Variants in FCER2 observed in about 807,000 individuals in gnomAD.
FCER2 encodes the protein Fc epsilon receptor II.
Under a neutral mutation model 49.7 loss-of-function variants are expected in FCER2, and 38 were observed. That is an observed-to-expected ratio of 0.76 (90% CI 0.59 to 1.00). FCER2 has a LOEUF of 1.00. FCER2 is among the 50% of genes least tolerant of loss of function. The pLI is 0.00. For missense variants in FCER2, 425 were observed against 419.5 expected, an observed-to-expected ratio of 1.01 and a Z score of -0.11; for synonymous variants, 163 against 164.6, an observed-to-expected ratio of 0.99 and a Z score of 0.07.
chr19:7,695,687 C>A (rs968042847), intron 8 of FCER2, among the ~76,000 whole-genome samples: 2 of 152,048 alleles, frequency 1.3e-5, no homozygotes, highest in Non-Finnish European at 2.9e-5. Context: ...GAGACTGAGG[C>A]GGAATGATCG....
chr19:7,697,688 A>C, intron 4 of FCER2, 99 bp from the exon 5 acceptor site: 2 of 901,170 alleles, frequency 2.2e-6, no homozygotes, highest in Non-Finnish European at 3.6e-6. Context: ...ACATAGTCAC[A>C]ACAGCTGCTG....
chr19:7,699,471 G>C (rs1400391849), intron 2 of FCER2: 5 of 1,425,990 alleles, frequency 3.5e-6, no homozygotes, highest in Admixed American at 6.1e-5. Flanking sequence ...CTCCCTAGCT[G>C]AAGCCGTTTT....
intron 8 of FCER2, among the ~76,000 whole-genome samples, chr19:7,690,857 C>T (rs1309456437): frequency 2.0e-5 from 3 of 152,056 alleles, no homozygotes; most frequent in Non-Finnish European, 4.4e-5. Context: ...CACCTCATGG[C>T]CAGAAGCACC....
chr19:7,697,511 T>C lies in FCER2; in HGVS notation c.253+16A>G, dbSNP rs1389281081. The C allele has an allele frequency of 1.1e-5, 17 of 1,609,386 alleles. No individual in the cohort carries two copies. Among genetic ancestry groups the C allele is most frequent in the Middle Eastern group, 1.6e-4 (1 of 6,062 alleles). On this transcript the variant is annotated intron_variant, in intron 5 of 10. Transcript: ENST00000597921. The stretch of plus-strand genomic sequence containing the variant: ...TCGCTTTTTCCCCTGCAACCCCAAC[T>C]CCAGGAGTCACTCACACTGGGATTT...
intron 8 of FCER2, among the ~76,000 whole-genome samples, chr19:7,693,292 CT>C (rs2146272076): frequency 6.6e-6 from 1 of 152,264 alleles, no homozygotes; most frequent in African/African-American, 2.4e-5. Context: ...CAGTGGGAGG[CT>C]TTGGTCAGGA....
intron 2 of FCER2, 73 bp downstream of exon 2, chr19:7,699,666 T>C: frequency 7.1e-7 from 1 of 1,407,624 alleles, no homozygotes; most frequent in Non-Finnish European, 1.0e-6. Context: ...GGAGCCCCGC[T>C]TCTCTTCTGG....
chr19:7,692,821 C>T (rs1448747240), intron 8 of FCER2, among the ~76,000 whole-genome samples: 1 of 152,102 alleles, frequency 6.6e-6, no homozygotes, highest in Non-Finnish European at 1.5e-5. Flanking sequence ...ATCACCAACA[C>T]CATGACCAGC....
At chr19:7,695,781 G>A (rs2146275971) in intron 8 of FCER2, among the ~76,000 whole-genome samples, 1 of 152,192 alleles carries the variant, frequency 6.6e-6, no homozygotes, top group South Asian at 2.1e-4. Flanking sequence ...GCCTGGCGTG[G>A]TGGCACACAC....
intron 4 of FCER2, among the ~76,000 whole-genome samples, chr19:7,697,922 TC>T (rs1261040609): frequency 1.3e-5 from 2 of 152,150 alleles, no homozygotes; most frequent in African/African-American, 4.8e-5. Context: ...AGTTACAAAA[TC>T]CTTACACTAC....
chr19:7,691,624 GCAGCACTTCAACCA>G (rs1307275226), intron 8 of FCER2, among the ~76,000 whole-genome samples: 2 of 151,440 alleles, frequency 1.3e-5, no homozygotes, highest in Non-Finnish European at 2.9e-5. Flanking sequence ...CCTCATGCCA[GCAGCACTTCAACCA>G]CCAACACCAG....
intron 1 of FCER2, among the ~76,000 whole-genome samples, chr19:7,701,154 G>A (rs947957301): frequency 6.6e-6 from 1 of 152,176 alleles, no homozygotes; most frequent in Admixed American, 6.5e-5. Flanking sequence ...GAGGAGCATG[G>A]GACTTGGGGT....
Position 7,699,813 on chromosome 19 carries a change from CAG to C in FCER2, c.-55_-54del. ...ATGGAGCACTCACTCCCTGACAACGCAGTCCACTCAGCGGGCACAATCACAGC... is the reference window on the plus strand; with the variant it reads ...ATGGAGCACTCACTCCCTGACAACGCTCCACTCAGCGGGCACAATCACAGC... On this transcript the variant is annotated 5_prime_UTR_variant, in exon 2 of 11. Coordinates refer to ENST00000597921, the MANE Select transcript of FCER2 (RefSeq NM_001220500.2). 6.4e-7 allele frequency: 1 copy of C among 1,571,054 alleles called. No individual in the cohort carries two copies.
chr19:7,700,035 G>A (rs2033120532), intron 1 of FCER2, 190 bp from the exon 2 acceptor site: 1 of 549,922 alleles, frequency 1.8e-6, no homozygotes, highest in Non-Finnish European at 3.3e-6. Context: ...GATCAGAAGT[G>A]GGGCACTCCA....
chr19:7,699,587 C>A (rs62111766), intron 2 of FCER2, 152 bp downstream of exon 2: 129,039 of 1,173,770 alleles, frequency 0.11, 8,241 homozygotes, highest in Admixed American at 0.18. Flanking sequence ...AAAGTCAGTC[C>A]GGCCTCACCT....
intron 8 of FCER2, among the ~76,000 whole-genome samples, chr19:7,692,146 C>T (rs1220164156): frequency 7.2e-6 from 1 of 138,366 alleles, no homozygotes; most frequent in Admixed American, 6.9e-5. Flanking sequence ...ACATCAACCA[C>T]CAACACCATC....
At chr19:7,690,093 C>T in intron 10 of FCER2, 66 bp downstream of exon 10, 7 of 1,022,326 alleles carry the variant, frequency 6.8e-6, no homozygotes, top group South Asian at 6.6e-5. Flanking sequence ...TGCAGTTTAT[C>T]TAGGGAGCTC....
chr19:7,698,227 A>C, intron 4 of FCER2, 129 bp downstream of exon 4: 1 of 644,340 alleles, frequency 1.6e-6, no homozygotes, highest in Non-Finnish European at 2.6e-6. Context: ...CGCCTTCCCT[A>C]GGACAGGGAG....
At chr19:7,689,487 G>T in intron 10 of FCER2, 57 bp from the exon 11 acceptor site, 1 of 1,159,670 alleles carries the variant, frequency 8.6e-7, no homozygotes. Context: ...CCCAGTTCCC[G>T]GCAGCCCTCT....
rs776737111 is a variant in FCER2 at position 7,689,280 on chromosome 19, G to A, written c.879C>T (p.Ser293=). ...GTCCCATGGACTCCGCGGAACCTTC[G>A]CTGGCTGGCGGCGTGCATGTGGCCA... ...DRLATCTPPA[S]EGSAESMGPD... The change falls in exon 11 of 11, where the codon AGC becomes AGT. Residue 293 remains serine (S), a synonymous_variant. Transcript: ENST00000597921. 1.9e-6 allele frequency: 3 copies of A among 1,613,662 alleles called. No homozygotes were observed. The highest frequency in any genetic ancestry group is 1.1e-5 in the South Asian group (1 of 91,062).
Sources: allele counts gnomAD v4.1 joint callset (sites outside exome capture counted in the v4.1 genomes callset), GRCh38; gene constraint gnomAD v4.1.1; transcripts MANE v1.5; gene names NCBI Gene and HGNC (gene_info 2026-07-23, HGNC 2026-07-21).